STK33: variants seen among roughly 807,000 people sequenced by gnomAD.
STK33 encodes the protein serine/threonine kinase 33, also known as serine/threonine-protein kinase 33.
In STK33, 52 loss-of-function variants were observed where a neutral mutation model predicts 58.0. That is an observed-to-expected ratio of 0.90 (90% confidence interval 0.72 to 1.13). The LOEUF is 1.13. Among genes scored for constraint, STK33 ranks in the 50% most tolerant of loss-of-function variants. The probability of loss-of-function intolerance (pLI) is 0.00; values close to 1 mark genes in which losing one functional copy is unlikely to be tolerated. For missense variants in STK33, 630 were observed against 604.2 expected, an observed-to-expected ratio of 1.04 and a Z score of -0.45; for synonymous variants, 215 against 200.1, an observed-to-expected ratio of 1.07 and a Z score of -0.63.
intron 1 of STK33, among the ~76,000 whole-genome samples, chr11:8,499,879 A>T (rs1408005074): frequency 6.6e-6 from 1 of 151,896 alleles, no homozygotes; most frequent in Non-Finnish European, 1.5e-5. Context: ...ATGAGAACAC[A>T]TGGACACAGG....
intron 11 of STK33, among the ~76,000 whole-genome samples, chr11:8,446,631 T>C (rs1370008770): frequency 6.6e-6 from 1 of 152,126 alleles, no homozygotes; most frequent in African/African-American, 2.4e-5. Context: ...TATAGACCAA[T>C]GGAACAGAAC....
chr11:8,439,076 A>G (rs931354729), intron 12 of STK33, among the ~76,000 whole-genome samples: 4 of 152,210 alleles, frequency 2.6e-5, no homozygotes, highest in African/African-American at 9.7e-5. Context: ...GAAATCTTCA[A>G]TATGACCATA....
At chr11:8,472,588 T>C (rs994456657) in intron 6 of STK33, among the ~76,000 whole-genome samples, 1 of 152,222 alleles carries the variant, frequency 6.6e-6, no homozygotes, top group Non-Finnish European at 1.5e-5. Flanking sequence ...CCCAAAGCAA[T>C]TTAAATGGTA....
chr11:8,346,888 G>A, the STK33 span, among the ~76,000 whole-genome samples: 4 of 152,178 alleles, frequency 2.6e-5, no homozygotes, highest in African/African-American at 4.8e-5. Flanking sequence ...GAGTTTGGCA[G>A]GCACAAAAGT....
chr11:8,359,451 AAAACGGCAGGGAGAG>A, the STK33 span, among the ~76,000 whole-genome samples: 1 of 152,218 alleles, frequency 6.6e-6, no homozygotes, highest in Non-Finnish European at 1.5e-5. Context: ...AGTAAATTTT[AAAACGGCAGGGAGAG>A]GTGCTGGTCT....
chr11:8,424,256 G>A (rs1395346262), intron 14 of STK33, among the ~76,000 whole-genome samples: 2 of 150,404 alleles, frequency 1.3e-5, no homozygotes, highest in African/African-American at 4.9e-5. Flanking sequence ...TTTTGTCCTT[G>A]CGATAGTTTG....
chr11:8,415,897 T>C (rs1941049792), intron 14 of STK33, among the ~76,000 whole-genome samples: 1 of 152,080 alleles, frequency 6.6e-6, no homozygotes, highest in Non-Finnish European at 1.5e-5. Flanking sequence ...CCAAGAGCAG[T>C]TTAAATTTCA....
intron 7 of STK33, among the ~76,000 whole-genome samples, chr11:8,463,154 T>C (rs998178282): frequency 3.3e-5 from 5 of 152,112 alleles, no homozygotes; most frequent in African/African-American, 1.2e-4. Context: ...AAGTCACATT[T>C]AAAGGTTAAC....
intron 1 of STK33, among the ~76,000 whole-genome samples, chr11:8,506,545 C>T (rs887309995): frequency 5.9e-5 from 9 of 152,036 alleles, no homozygotes; most frequent in Non-Finnish European, 1.2e-4. Context: ...GCTGATTCTC[C>T]ACAGCTGGGA....
chr11:8,345,032 G>C, the STK33 span, among the ~76,000 whole-genome samples: 3 of 152,268 alleles, frequency 2.0e-5, no homozygotes, highest in South Asian at 2.1e-4. Context: ...CAGAAAGGCT[G>C]GTCCAGTGAC....
chr11:8,546,593 C>G (rs952368362), intron 1 of STK33, among the ~76,000 whole-genome samples: 3 of 151,828 alleles, frequency 2.0e-5, no homozygotes, highest in African/African-American at 4.8e-5. Flanking sequence ...TTCATCCCCC[C>G]CACCCTACCC....
intron 11 of STK33, among the ~76,000 whole-genome samples, chr11:8,444,981 A>G (rs983910572): frequency 2.0e-5 from 3 of 152,172 alleles, no homozygotes; most frequent in African/African-American, 7.2e-5. Flanking sequence ...TACTTTGGAC[A>G]CTATGGCGAT....
At chr11:8,569,983 G>A (rs184361349) in intron 1 of STK33, among the ~76,000 whole-genome samples, 112 of 151,852 alleles carry the variant, frequency 7.4e-4, no homozygotes, top group Admixed American at 2.8e-3. Flanking sequence ...AAAAGAAAAC[G>A]AATAGGCAAG....
intron 11 of STK33, among the ~76,000 whole-genome samples, chr11:8,451,760 GCA>G (rs1946307364): frequency 6.6e-6 from 1 of 152,148 alleles, no homozygotes; most frequent in Non-Finnish European, 1.5e-5. Context: ...TGTAAAGGAT[GCA>G]CAAATATCTT....
the STK33 span, among the ~76,000 whole-genome samples, chr11:8,377,295 A>G: frequency 1.3e-5 from 2 of 152,258 alleles, no homozygotes; most frequent in Non-Finnish European, 1.5e-5. Context: ...TCTAAAATAA[A>G]TCCCCCCTAA....
At chr11:8,423,386 G>A (rs1325285022) in intron 14 of STK33, among the ~76,000 whole-genome samples, 1 of 151,678 alleles carries the variant, frequency 6.6e-6, no homozygotes, top group Non-Finnish European at 1.5e-5. Flanking sequence ...AACTTCTACT[G>A]AAGTACATGT....
At position 8,401,709 on chromosome 11, in the gene STK33, G is replaced by C. The variant is rs758988743; in HGVS notation, c.1345-8999C>G. On this transcript the variant is annotated intron_variant, in intron 15 of 15. Transcript: ENST00000687296. ...ACCTACAGAATGGGAGAAAATTTTT[G>C]CAATCTACTCATCTGACAAAGGGCT... Among the ~76,000 whole-genome samples, 202 of 152,296 alleles carry C rather than the reference G, an allele frequency of 1.3e-3. 2 individuals are homozygous for C. The highest frequency in any genetic ancestry group is 2.5e-3 in the Non-Finnish European group (173 of 68,028).
At chr11:8,499,414 G>C (rs1182587345) in intron 1 of STK33, among the ~76,000 whole-genome samples, 1 of 152,106 alleles carries the variant, frequency 6.6e-6, no homozygotes, top group Non-Finnish European at 1.5e-5. Flanking sequence ...TAAAAAGTCA[G>C]GAAACAACAG....
chr11:8,425,010 T>C (rs1236842949), intron 14 of STK33, among the ~76,000 whole-genome samples: 5 of 141,222 alleles, frequency 3.5e-5, no homozygotes, highest in African/African-American at 1.4e-4. Context: ...TTTGTCAATT[T>C]TGGCTTTTGT....
Sources: allele counts gnomAD v4.1 joint callset (sites outside exome capture counted in the v4.1 genomes callset), GRCh38; gene constraint gnomAD v4.1.1; transcripts MANE v1.5; gene names NCBI Gene and HGNC (gene_info 2026-07-23, HGNC 2026-07-21).